RBFOX1: variants seen among roughly 807,000 people sequenced by gnomAD.
RBFOX1 encodes the protein RNA binding fox-1 homolog 1.
In RBFOX1, 8 loss-of-function variants were observed where a neutral mutation model predicts 57.7. The ratio of observed to expected loss-of-function variants is 0.14; its 90% CI spans 0.08 to 0.25. RBFOX1 has a LOEUF of 0.25. Ranked by LOEUF, RBFOX1 falls within the 10% of genes least tolerant of loss-of-function variation. RBFOX1 has a pLI of 1.00. For missense variants in RBFOX1, 611 were observed against 548.5 expected (o/e 1.11, Z -1.14); for synonymous variants, 326 against 222.4 (o/e 1.47, Z -4.15).
intron 1 of RBFOX1, among the ~76,000 whole-genome samples, chr16:5,243,994 T>A (rs2062233148): frequency 6.6e-6 from 1 of 152,084 alleles, no homozygotes; most frequent in Admixed American, 6.6e-5. Flanking sequence ...CCTCCTGGGC[T>A]CAAGTGATTC....
At chr16:5,737,106 G>A (rs1242868323) in intron 3 of RBFOX1, among the ~76,000 whole-genome samples, 1 of 151,992 alleles carries the variant, frequency 6.6e-6, no homozygotes, top group Non-Finnish European at 1.5e-5. Context: ...ATCTGCTTGA[G>A]GTCTAATATG....
At chr16:6,951,942 G>A (rs1229552623) in intron 3 of RBFOX1, among the ~76,000 whole-genome samples, 1 of 152,114 alleles carries the variant, frequency 6.6e-6, no homozygotes, top group African/African-American at 2.4e-5. Context: ...CACCATGTTG[G>A]TCAGGCTGGT....
intron 2 of RBFOX1, among the ~76,000 whole-genome samples, chr16:5,536,262 G>T (rs1209327754): frequency 1.7e-5 from 2 of 120,546 alleles, no homozygotes; most frequent in Non-Finnish European, 1.6e-5. Context: ...TTTAGATGGA[G>T]TCTTGCTTGT....
intron 1 of RBFOX1, among the ~76,000 whole-genome samples, chr16:5,349,501 A>C (rs145427038): frequency 1.3e-5 from 2 of 152,106 alleles, no homozygotes; most frequent in East Asian, 3.9e-4. Context: ...TGGCGATCCT[A>C]TCTCTACTAA....
At chr16:7,222,311 C>T (rs771949433) in intron 4 of RBFOX1, among the ~76,000 whole-genome samples, 1 of 152,116 alleles carries the variant, frequency 6.6e-6, no homozygotes, top group Admixed American at 6.5e-5. Context: ...GGCAAGCAGA[C>T]CTAATGTGCA....
At chr16:5,610,232 T>C (rs34336253) in intron 3 of RBFOX1, 19,289 of 152,278 alleles carry the variant, frequency 0.13, 1,843 homozygotes, top group East Asian at 0.47. Context: ...TGCCTGTGCC[T>C]GCATGTAATA....
chr16:7,548,078 T>C (rs1181250516), intron 5 of RBFOX1, among the ~76,000 whole-genome samples: 1 of 152,242 alleles, frequency 6.6e-6, no homozygotes. Flanking sequence ...GAGCTACTTA[T>C]TCTGTTCATT....
At chr16:6,905,807 C>G (rs1178920850) in intron 3 of RBFOX1, among the ~76,000 whole-genome samples, 1 of 152,218 alleles carries the variant, frequency 6.6e-6, no homozygotes, top group Admixed American at 6.5e-5. Context: ...CCTAGGAAAC[C>G]TGCTGCCTTG....
chr16:7,197,880 A>G (rs914430782), intron 4 of RBFOX1, among the ~76,000 whole-genome samples: 1 of 152,208 alleles, frequency 6.6e-6, no homozygotes, highest in African/African-American at 2.4e-5. Flanking sequence ...ACAGAGACAG[A>G]AAACAGAATG....
At position 7,429,438 on chromosome 16, in the gene RBFOX1, C is replaced by A. The variant is rs553359969; in HGVS notation, c.28-88709C>A. ...ATCAAAAGTGATCCTGCCCAGCCAA[C>A]TTTTATTCTCTCTGCCAGCACACTG... On this transcript the variant is annotated intron_variant, in intron 4 of 15. Coordinates refer to ENST00000550418, the MANE Select transcript of RBFOX1 (RefSeq NM_018723.4). Among the ~76,000 whole-genome samples, 4 of 152,336 alleles carry A rather than the reference C, an allele frequency of 2.6e-5. No individual in the cohort carries two copies. In the East Asian group the frequency reaches 7.7e-4, roughly 29 times the overall value.
chr16:7,560,368 T>C (rs746742862), intron 5 of RBFOX1, among the ~76,000 whole-genome samples: 1 of 152,062 alleles, frequency 6.6e-6, no homozygotes, highest in Non-Finnish European at 1.5e-5. Context: ...CTGCAAAAAA[T>C]TTCATTTCAG....
intron 3 of RBFOX1, among the ~76,000 whole-genome samples, chr16:6,818,035 C>T (rs891804299): frequency 6.6e-6 from 1 of 152,102 alleles, no homozygotes; most frequent in Non-Finnish European, 1.5e-5. Context: ...TTTGTGTCTG[C>T]TCTCCTATAT....
At chr16:5,763,391 C>A (rs374068474) in intron 3 of RBFOX1, among the ~76,000 whole-genome samples, 8 of 152,302 alleles carry the variant, frequency 5.3e-5, no homozygotes, top group Admixed American at 2.0e-4. Context: ...GCGATGCAAA[C>A]GTGTGTCCTC....
intron 4 of RBFOX1, among the ~76,000 whole-genome samples, chr16:7,066,048 A>G (rs897983693): frequency 1.3e-5 from 2 of 152,212 alleles, no homozygotes; most frequent in Non-Finnish European, 1.5e-5. Flanking sequence ...CAAGGGGGAA[A>G]AAAGTTTTGC....
intron 4 of RBFOX1, among the ~76,000 whole-genome samples, chr16:7,451,504 A>G (rs989536687): frequency 6.6e-6 from 1 of 152,088 alleles, no homozygotes; most frequent in Admixed American, 6.6e-5. Context: ...TGGCAACTTC[A>G]TGTATCAACT....
chr16:7,215,832 C>T (rs1009209320), intron 4 of RBFOX1, among the ~76,000 whole-genome samples: 9 of 150,580 alleles, frequency 6.0e-5, no homozygotes, highest in African/African-American at 1.7e-4. Flanking sequence ...TCACGCCATT[C>T]TCCTGCCTCA....
intron 2 of RBFOX1, among the ~76,000 whole-genome samples, chr16:6,570,932 T>C (rs906646564): frequency 4.6e-5 from 7 of 152,186 alleles, no homozygotes; most frequent in Admixed American, 4.6e-4. Flanking sequence ...GAATAACGGT[T>C]ATATTGCTCA....
chr16:7,221,802 G>T (rs960271326), intron 4 of RBFOX1, among the ~76,000 whole-genome samples: 3 of 152,296 alleles, frequency 2.0e-5, no homozygotes, highest in Non-Finnish European at 2.9e-5. Flanking sequence ...TTACAAGCGA[G>T]ATCTAAGAAA....
chr16:6,200,716 G>A (rs902319008), intron 1 of RBFOX1, among the ~76,000 whole-genome samples: 3 of 152,182 alleles, frequency 2.0e-5, no homozygotes, highest in Non-Finnish European at 4.4e-5. Flanking sequence ...GGAAGGACAC[G>A]TCTGAAGGGT....
Sources: gnomAD v4.1 joint callset for allele counts (sites outside exome capture counted in the v4.1 genomes callset) on GRCh38, gnomAD v4.1.1 for gene constraint, MANE v1.5 for transcripts, NCBI Gene and HGNC (gene_info 2026-07-23, HGNC 2026-07-21) for gene names.